The following AGBL5 variants were observed in gnomAD, a reference collection of about 807,000 sequenced individuals.
AGBL5 encodes cytosolic carboxypeptidase-like protein 5.
In AGBL5, 51 loss-of-function variants were observed where a neutral mutation model predicts 88.0. That is an observed-to-expected ratio of 0.58 (90% CI 0.46 to 0.73). The LOEUF (loss-of-function observed/expected upper bound fraction) is 0.73. AGBL5 is among the 30% of genes least tolerant of loss of function. The probability of loss-of-function intolerance (pLI) is 0.00; values close to 1 mark genes in which losing one functional copy is unlikely to be tolerated. For synonymous variants in AGBL5, 446 were observed against 438.8 expected (o/e 1.02, Z -0.21); for missense variants, 1,031 against 1,162.2 (o/e 0.89, Z 1.64).
chr2:27,066,742 C>G (rs942820520), intron 11 of AGBL5, among the ~76,000 whole-genome samples: 3 of 151,718 alleles, frequency 2.0e-5, no homozygotes, highest in Admixed American at 6.6e-5. Flanking sequence ...CCTAGGAGTT[C>G]AAGACCAGCC....
rs1376634282 is a variant in AGBL5 at position 27,057,401 on chromosome 2, C to T, written c.1634C>T (p.Ala545Val). 1 of 1,613,858 alleles carries T rather than the reference C, an allele frequency of 6.2e-7. No homozygotes were observed. Among genetic ancestry groups the T allele is most frequent in the African/African-American group, 1.3e-5 (1 of 75,056 alleles). The change falls in exon 9 of 15, where the codon GCT becomes GTT. Residue 545 changes from alanine (A) to valine (V), a missense_variant. By Grantham distance (64) the Ala-to-Val change is moderately conservative. Around this residue, in one of 2 missense-constraint regions of AGBL5, gnomAD observed 491 missense variants for 484.0 expected, o/e 1.01. Coordinates refer to ENST00000360131, the MANE Select transcript of AGBL5 (RefSeq NM_021831.6). ...CGTGCCAGCCCCCCTCCCCCGCCGG[C>T]TTTCCCCTCCAGATACACTGTGGAA... ...NGRASPPPPP[A>V]FPSRYTVELF...
intron 10 of AGBL5, 147 bp downstream of exon 10, chr2:27,058,749 T>G: frequency 1.1e-6 from 1 of 875,488 alleles, no homozygotes. Context: ...TTAGTCAGAT[T>G]AGTTTATTCT....
intron 10 of AGBL5, among the ~76,000 whole-genome samples, 183 bp from the exon 11 acceptor site, chr2:27,059,007 A>T (rs943464398): frequency 1.3e-5 from 2 of 152,182 alleles, no homozygotes; most frequent in Non-Finnish European, 2.9e-5. Context: ...ACATTTTGAG[A>T]TTAGCTGGTA....
At chr2:27,056,961 A>C in intron 8 of AGBL5, 169 bp downstream of exon 8, 1 of 673,564 alleles carries the variant, frequency 1.5e-6, no homozygotes, top group Non-Finnish European at 2.3e-6. Context: ...GTGCCATTGC[A>C]CTCCAGCCTG....
chr2:27,055,515 T>C, intron 6 of AGBL5, 167 bp from the exon 7 acceptor site: 1 of 805,844 alleles, frequency 1.2e-6, no homozygotes, highest in Non-Finnish European at 1.9e-6. Flanking sequence ...ATGGTAAGGG[T>C]GACAGCAGAT....
At chr2:27,059,641 T>G in intron 11 of AGBL5, 1 of 902,132 alleles carries the variant, frequency 1.1e-6, no homozygotes, top group Non-Finnish European at 1.6e-6. Flanking sequence ...CAGTGCATGC[T>G]AGGAGCCAGG....
Position 27,069,609 on chromosome 2 carries a change from C to T in AGBL5, c.2392C>T (p.Arg798Cys), listed in dbSNP as rs1269161861. 3.1e-6 allele frequency: 5 copies of T among 1,614,078 alleles called. No homozygotes were observed. The highest frequency in any genetic ancestry group is 3.3e-5 in the Admixed American group (2 of 60,008). The part of the protein sequence containing the change: ...PRLGRGSPPT[R>C]RGMKGSSGPT... ...GTTGGGCCGGGGCTCACCGCCGACT[C>T]GCAGAGGGATGAAAGGCTCTTCAGG... is the stretch of plus-strand genomic sequence containing the variant. The change falls in exon 14 of 15, where the codon CGC (arginine) becomes TGC (cysteine). Residue 798 changes from arginine to cysteine, a missense_variant. Coordinates refer to ENST00000360131, the MANE Select transcript of AGBL5 (RefSeq NM_021831.6).
Position 27,053,474 on chromosome 2 carries a change from C to G in AGBL5, c.288C>G (p.Asn96Lys). 1 of 1,614,104 alleles carries G rather than the reference C, an allele frequency of 6.2e-7. No homozygotes were observed. The highest frequency in any genetic ancestry group is 8.5e-7 in the Non-Finnish European group (1 of 1,180,040). ...KLIKINIMNM[N>K]KQSKLYSQGM... Reference sequence around the variant, plus strand: ...TCAAGATCAACATTATGAACATGAACAAGCAGAGCAAGCTGTATTCCCAGG... The same window carrying G: ...TCAAGATCAACATTATGAACATGAAGAAGCAGAGCAAGCTGTATTCCCAGG... The change falls in exon 3 of 15, where the codon AAC (asparagine) becomes AAG (lysine). Residue 96 changes from asparagine (N) to lysine (K), a missense_variant. Asn to Lys is a moderately conservative substitution (Grantham distance 94). Around this residue, in one of 2 missense-constraint regions of AGBL5, gnomAD observed 540 missense variants for 678.2 expected, o/e 0.80. Coordinates refer to ENST00000360131, the MANE Select transcript of AGBL5 (RefSeq NM_021831.6). The surrounding 1 kb of genome is among the most constrained non-coding windows in gnomAD (Gnocchi z 4.9).
At position 27,058,599 on chromosome 2, in the gene AGBL5, A is replaced by G; in HGVS notation, c.1871A>G (p.His624Arg). The G allele has an allele frequency of 2.5e-6, 4 of 1,614,038 alleles. No homozygotes were observed. Among genetic ancestry groups the G allele is most frequent in the Non-Finnish European group, 3.4e-6 (4 of 1,180,022 alleles). Residue 624 changes from histidine (H) to arginine (R), a missense_variant, in exon 10 of 15, where the codon CAC (histidine) becomes CGC (arginine). Transcript: ENST00000360131. Reference sequence around the variant, plus strand: ...GGCCTTCGAACTCCACCCAAAAGTCACAAGTAAGGCCAGCAAAATAGGAGG... The same window carrying G: ...GGCCTTCGAACTCCACCCAAAAGTCGCAAGTAAGGCCAGCAAAATAGGAGG... ...KRGLRTPPKSHNGLPVSCSEN... is the reference protein window; with the variant it reads ...KRGLRTPPKSRNGLPVSCSEN...
intron 11 of AGBL5, among the ~76,000 whole-genome samples, chr2:27,060,018 G>A (rs1668636818): frequency 6.6e-6 from 1 of 152,188 alleles, no homozygotes; most frequent in East Asian, 1.9e-4. Flanking sequence ...GCATGGTGGT[G>A]CACACCTGTA....
intron 13 of AGBL5, 193 bp from the exon 14 acceptor site, chr2:27,069,380 C>G (rs1041544278): frequency 1.0e-6 from 1 of 985,314 alleles, no homozygotes; most frequent in Non-Finnish European, 1.2e-6. Context: ...ACTTGGAGTG[C>G]ATAGTCATGG....
At position 27,055,902 on chromosome 2, in the gene AGBL5, T is replaced by C; in HGVS notation, c.1129T>C (p.Cys377Arg). ...KANNLQNEAQCGHSADRHNAE... is the reference protein window; with the variant it reads ...KANNLQNEAQRGHSADRHNAE... ...CAACAATCTCCAAAATGAAGCTCAG[T>C]GTGGGCACTCAGCTGACAGGCATAA... Residue 377 changes from cysteine to arginine, a missense_variant, in exon 7 of 15, where the codon TGT becomes CGT. By Grantham distance (180) the Cys-to-Arg change is radical. Transcript: ENST00000360131. The C allele has an allele frequency of 6.2e-7, 1 of 1,614,122 alleles. No homozygotes were observed. Among genetic ancestry groups the C allele is most frequent in the Non-Finnish European group, 8.5e-7 (1 of 1,180,012 alleles).
chr2:27,068,630 A>G lies in AGBL5; in HGVS notation c.2243-2A>G. ...CCCTGATCAGTTTCCTCTGTTCCCT[A>G]GGGAGCAGTTGCTCACTCTTGTCCT... is the stretch of plus-strand genomic sequence containing the variant. On this transcript the variant is annotated splice_acceptor_variant, in intron 12 of 14. Coordinates refer to ENST00000360131, the MANE Select transcript of AGBL5 (RefSeq NM_021831.6). LOFTEE classifies it high-confidence loss of function. 6.2e-7 allele frequency: 1 copy of G among 1,613,862 alleles called. No individual in the cohort carries two copies. Among genetic ancestry groups the G allele is most frequent in the Non-Finnish European group, 8.5e-7 (1 of 1,179,894 alleles).
chr2:27,052,826 A>C (rs936489257), intron 1 of AGBL5, 87 bp from the exon 2 acceptor site: 16 of 765,350 alleles, frequency 2.1e-5, no homozygotes, highest in Non-Finnish European at 3.0e-5. Context: ...ACTCCCTAAG[A>C]ATAGCTCTTA....
In AGBL5 at chr2:27,053,675, A is replaced by G; in HGVS notation, c.387+102A>G. 6.8e-7 allele frequency: 1 copy of G among 1,463,036 alleles called. No homozygotes were observed. Among genetic ancestry groups the G allele is most frequent in the Non-Finnish European group, 9.1e-7 (1 of 1,097,730 alleles). The allele number at this position is 1,463,036 out of a possible 1,614,324, so 90.6% of individuals were successfully genotyped here. A position where few individuals can be genotyped will look rare whatever the true frequency, so the allele number is the denominator to read the frequency against. ...GATACAAGTATGAAGCAGGTGGGAC[A>G]ACAGGTTTAAGTATCAGCTTTTTCT... On this transcript the variant is annotated intron_variant, in intron 3 of 14. Coordinates refer to ENST00000360131, the MANE Select transcript of AGBL5 (RefSeq NM_021831.6). The surrounding 1 kb of genome is among the most constrained non-coding windows in gnomAD (Gnocchi z 4.9).
chr2:27,068,844 G>C, intron 13 of AGBL5, 100 bp downstream of exon 13: 2 of 1,541,758 alleles, frequency 1.3e-6, no homozygotes, highest in Admixed American at 2.0e-5. Flanking sequence ...CTGCTTTACT[G>C]CATCTACCCT....
In AGBL5 at chr2:27,056,588, C is replaced by T. The variant is rs765967020; in HGVS notation, c.1366-35C>T. On this transcript the variant is annotated intron_variant, in intron 7 of 14. Coordinates refer to ENST00000360131, the MANE Select transcript of AGBL5 (RefSeq NM_021831.6). ...CTTCCTTGCACCTTGTCCCTTCTGT[C>T]TCTCCTTCTGAGTTGACTTTTCTTC... 5 of 1,563,886 alleles carry T rather than the reference C, an allele frequency of 3.2e-6. No individual in the cohort carries two copies. In the Admixed American group the frequency reaches 7.1e-5, roughly 22 times the overall value.
chr2:27,054,431 G>A (rs1001660812), intron 4 of AGBL5, among the ~76,000 whole-genome samples, 199 bp from the exon 5 acceptor site: 1 of 151,964 alleles, frequency 6.6e-6, no homozygotes, highest in Non-Finnish European at 1.5e-5. Context: ...GGAACAACAA[G>A]TTCACCCTGT....
intron 12 of AGBL5, 116 bp downstream of exon 12, chr2:27,067,762 C>T (rs1669068834): frequency 3.5e-6 from 4 of 1,152,670 alleles, no homozygotes; most frequent in Non-Finnish European, 5.3e-6. Flanking sequence ...GTATCCTAAA[C>T]CTCTAACACT....
Sources: allele counts gnomAD v4.1 joint callset (sites outside exome capture counted in the v4.1 genomes callset), GRCh38; gene constraint gnomAD v4.1.1; regional missense constraint gnomAD v4.1.1; non-coding constraint Gnocchi (gnomAD v3.1); transcripts MANE v1.5; gene names NCBI Gene and HGNC (gene_info 2026-07-23, HGNC 2026-07-21).